Variants in ZNF385D observed in about 807,000 individuals in gnomAD.
The protein encoded by ZNF385D is zinc finger protein 385D.
A neutral mutation model predicts 35.8 loss-of-function variants in ZNF385D; 15 were observed. That is an observed-to-expected ratio of 0.42 (90% CI 0.28 to 0.64). The LOEUF is 0.64. ZNF385D is among the 30% of genes least tolerant of loss of function. The probability of loss-of-function intolerance (pLI) is 0.23; values close to 1 mark genes in which losing one functional copy is unlikely to be tolerated. For synonymous variants in ZNF385D, 212 were observed against 186.8 expected, an observed-to-expected ratio of 1.13 and a Z score of -1.10; for missense variants, 474 against 494.6, an observed-to-expected ratio of 0.96 and a Z score of 0.39.
At chr3:21,639,492 A>G (rs886550951) in intron 2 of ZNF385D, among the ~76,000 whole-genome samples, 3 of 152,082 alleles carry the variant, frequency 2.0e-5, no homozygotes, top group African/African-American at 7.2e-5. Flanking sequence ...TGAATTTATC[A>G]TGAGCTCTTC....
chr3:21,859,271 C>T (rs13091892), intron 3 of ZNF385D, among the ~76,000 whole-genome samples: 10,751 of 152,030 alleles, frequency 0.071, 552 homozygotes, highest in East Asian at 0.18. Context: ...ACCCTGCCCG[C>T]AGATTCACTT....
chr3:21,620,309 C>T (rs1212790725), intron 2 of ZNF385D, among the ~76,000 whole-genome samples: 1 of 151,900 alleles, frequency 6.6e-6, no homozygotes, highest in Non-Finnish European at 1.5e-5. Context: ...TCAAATGAAT[C>T]ATCATAGCTC....
intron 2 of ZNF385D, among the ~76,000 whole-genome samples, chr3:22,179,833 A>G (rs1338941379): frequency 1.3e-5 from 2 of 152,226 alleles, no homozygotes; most frequent in East Asian, 1.9e-4. Flanking sequence ...AAGAGAAAGC[A>G]GGAAAGATCC....
chr3:22,279,612 A>ATG (rs1460639910), intron 2 of ZNF385D, among the ~76,000 whole-genome samples: 4 of 136,054 alleles, frequency 2.9e-5, no homozygotes, highest in Non-Finnish European at 6.2e-5. Flanking sequence ...GTATATACAT[A>ATG]TACATATATG....
intron 1 of ZNF385D, among the ~76,000 whole-genome samples, chr3:21,684,659 T>G (rs12330347): frequency 0.019 from 2,940 of 152,214 alleles, 89 homozygotes; most frequent in African/African-American, 0.066. Flanking sequence ...ATAGTTTGAT[T>G]TTTCTGATGT....
chr3:22,063,129 C>T (rs1699772072), intron 3 of ZNF385D, among the ~76,000 whole-genome samples: 1 of 152,180 alleles, frequency 6.6e-6, no homozygotes. Context: ...TAAAAGAAGA[C>T]ATTCCTGAAT....
chr3:22,260,504 T>C (rs1356314961), intron 2 of ZNF385D, among the ~76,000 whole-genome samples: 1 of 151,892 alleles, frequency 6.6e-6, no homozygotes, highest in East Asian at 1.9e-4. Flanking sequence ...TCCCAGAACT[T>C]AAAATTAAAA....
chr3:21,574,398 C>T (rs2063432198), intron 2 of ZNF385D, among the ~76,000 whole-genome samples: 1 of 152,010 alleles, frequency 6.6e-6, no homozygotes, highest in Non-Finnish European at 1.5e-5. Context: ...TGGGGTAAGA[C>T]CTATAACTAA....
intron 2 of ZNF385D, among the ~76,000 whole-genome samples, chr3:21,581,227 T>C (rs372260890): frequency 5.3e-5 from 8 of 152,180 alleles, no homozygotes; most frequent in East Asian, 3.8e-4. Context: ...GTGTATTTTA[T>C]TGTCTCCTTT....
intron 3 of ZNF385D, among the ~76,000 whole-genome samples, chr3:22,071,246 T>C (rs1700215922): frequency 6.6e-6 from 1 of 152,182 alleles, no homozygotes; most frequent in Admixed American, 6.6e-5. Flanking sequence ...AGGTTCCAAC[T>C]CATTCTTCAG....
At chr3:22,243,228 A>C (rs1046277954) in intron 2 of ZNF385D, among the ~76,000 whole-genome samples, 1 of 151,014 alleles carries the variant, frequency 6.6e-6, no homozygotes, top group African/African-American at 2.5e-5. Context: ...TGAAAGGAAT[A>C]CTTCTCCAAG....
chr3:22,091,930 T>G (rs1377838595), intron 3 of ZNF385D, among the ~76,000 whole-genome samples: 1 of 152,164 alleles, frequency 6.6e-6, no homozygotes, highest in Non-Finnish European at 1.5e-5. Flanking sequence ...GAGGAGTAAT[T>G]AATATAGCTA....
At chr3:21,905,639 T>A (rs1699646019) in intron 3 of ZNF385D, among the ~76,000 whole-genome samples, 1 of 151,824 alleles carries the variant, frequency 6.6e-6, no homozygotes, top group Non-Finnish European at 1.5e-5. Context: ...TAGGTGGCAT[T>A]TCTTTTAATC....
chr3:22,226,936 T>C (rs939294016), intron 2 of ZNF385D, among the ~76,000 whole-genome samples: 2 of 152,164 alleles, frequency 1.3e-5, no homozygotes, highest in African/African-American at 4.8e-5. Flanking sequence ...TTCCTTGACA[T>C]ATTTCTGCCT....
intron 3 of ZNF385D, among the ~76,000 whole-genome samples, chr3:21,800,128 T>C (rs1296230573): frequency 6.6e-6 from 1 of 152,232 alleles, no homozygotes; most frequent in Admixed American, 6.5e-5. Flanking sequence ...AGTACCATAC[T>C]GCTTTGATTT....
At chr3:22,067,585 C>G (rs1304425026) in intron 3 of ZNF385D, among the ~76,000 whole-genome samples, 1 of 152,160 alleles carries the variant, frequency 6.6e-6, no homozygotes, top group Non-Finnish European at 1.5e-5. Context: ...CTAAAGTTAA[C>G]TCAGAGGTGG....
chr3:22,372,436 T>C (rs982937730), intron 2 of ZNF385D: 1 of 985,528 alleles, frequency 1.0e-6, no homozygotes, highest in African/African-American at 1.7e-5. Flanking sequence ...CACCTCTTTT[T>C]GCACTCAACT....
intron 5 of ZNF385D, among the ~76,000 whole-genome samples, chr3:21,434,816 A>G (rs1701470337): frequency 6.6e-6 from 1 of 152,108 alleles, no homozygotes. Flanking sequence ...AGGAGGGAAA[A>G]TACAGGGAAA....
intron 4 of ZNF385D, among the ~76,000 whole-genome samples, chr3:21,460,529 T>G (rs1575185555): frequency 6.9e-6 from 1 of 145,654 alleles, no homozygotes; most frequent in Admixed American, 6.6e-5. Context: ...TTTAAAAAAT[T>G]ATTATATTGC....
Sources: allele counts gnomAD v4.1 joint callset (sites outside exome capture counted in the v4.1 genomes callset), GRCh38; gene constraint gnomAD v4.1.1; transcripts MANE v1.5; gene names NCBI Gene and HGNC (gene_info 2026-07-23, HGNC 2026-07-21).